The following REC8 variants were observed in gnomAD, a reference collection of about 807,000 sequenced individuals.
The protein encoded by REC8 is REC8 meiotic recombination protein.
In REC8, 42 loss-of-function variants were observed where a neutral mutation model predicts 78.3. The observed-to-expected ratio is 0.54, with a 90% CI of 0.42 to 0.69. The LOEUF is 0.69. REC8 is among the 30% of genes least tolerant of loss of function. REC8 has a pLI of 0.00. For missense variants in REC8, 581 were observed against 715.8 expected, an observed-to-expected ratio of 0.81 and a Z score of 2.15; for synonymous variants, 268 against 274.1, an observed-to-expected ratio of 0.98 and a Z score of 0.22.
intron 6 of REC8, 115 bp downstream of exon 6, chr14:24,175,739 T>TC (rs58764361): frequency 1.2e-5 from 8 of 689,884 alleles, no homozygotes; most frequent in Admixed American, 8.3e-5. Context: ...TTTTTTTTTT[T>TC]CGAGGCAGAG....
intron 5 of REC8, among the ~76,000 whole-genome samples, chr14:24,174,745 C>T (rs1405276925): frequency 6.6e-6 from 1 of 152,140 alleles, no homozygotes; most frequent in African/African-American, 2.4e-5. Context: ...CTCTACAAGT[C>T]GGGTTCTACA....
Position 24,179,752 on chromosome 14 carries a change from G to T in REC8, c.1451+26G>T, listed in dbSNP as rs201038240. ...GTACCAGGGAGGTGGCACCTTGATG[G>T]GGTGGACCCGGGCTGAAGCCTCTGC... is the stretch of plus-strand genomic sequence containing the variant. On this transcript the variant is annotated intron_variant, in intron 17 of 18. Coordinates refer to ENST00000611366, the MANE Select transcript of REC8 (RefSeq NM_001048205.2). The T allele has an allele frequency of 1.7e-5, 28 of 1,614,180 alleles. No homozygotes were observed. The East Asian group carries it at 6.0e-4, about 35-fold the overall frequency.
At position 24,179,136 on chromosome 14, in the gene REC8, A is replaced by G. The variant is rs985340220; in HGVS notation, c.1252+3A>G. On this transcript the variant is annotated splice_donor_region_variant and intron_variant, in intron 15 of 18. Transcript: ENST00000611366. ...TGTTCCCCTTATGGTGTCTTTAGGT[A>G]AGCACCTAGAGAAGAGGCGCAGTGG... The G allele has an allele frequency of 2.1e-5, 33 of 1,569,124 alleles. No individual in the cohort carries two copies. The highest frequency in any genetic ancestry group is 2.0e-4 in the African/African-American group (15 of 73,568).
chr14:24,176,842 C>T lies in REC8; in HGVS notation c.565C>T (p.Leu189=). 6.2e-7 allele frequency: 1 copy of T among 1,613,534 alleles called. No homozygotes were observed. Among genetic ancestry groups the T allele is most frequent in the Non-Finnish European group, 8.5e-7 (1 of 1,179,746 alleles). ...REPERIPVTV[L]PPEAITILEA... Reference sequence around the variant, plus strand: ...TCCAGAGAGGATTCCGGTCACTGTGCTGCCACCTGAGGCCATCACGATCCT... The same window carrying T: ...TCCAGAGAGGATTCCGGTCACTGTGTTGCCACCTGAGGCCATCACGATCCT... Residue 189 remains leucine, a synonymous_variant, in exon 7 of 19, where the codon CTG becomes TTG. Coordinates refer to ENST00000611366, the MANE Select transcript of REC8 (RefSeq NM_001048205.2).
At position 24,179,895 on chromosome 14, in the gene REC8, A is replaced by T. The variant is rs148643420; in HGVS notation, c.1547A>T (p.Tyr516Phe). The T allele has an allele frequency of 5.6e-6, 9 of 1,613,852 alleles. No homozygotes were observed. The change falls in exon 18 of 19, where the codon TAC becomes TTC. Residue 516 changes from tyrosine (Y) to phenylalanine (F), a missense_variant. Transcript: ENST00000611366. Reference sequence around the variant, plus strand: ...CGCAGGATGGCTGCCCGGGTCTTCTACCTGCTCCTGGGTGAGTGTATGCAT... The same window carrying T: ...CGCAGGATGGCTGCCCGGGTCTTCTTCCTGCTCCTGGGTGAGTGTATGCAT... ...SPRRMAARVF[Y>F]LLLVLSAQQI...
At position 24,172,101 on chromosome 14, in the gene REC8, C is replaced by T. The variant is rs1004454918; in HGVS notation, c.-452C>T. ...CGATCTAGTCCTGCAGTAGGCGGCCCGGGGCCACACCGCGGCCGCCCAAGC... is the reference window on the plus strand; with the variant it reads ...CGATCTAGTCCTGCAGTAGGCGGCCTGGGGCCACACCGCGGCCGCCCAAGC... On this transcript the variant is annotated 5_prime_UTR_variant, in exon 1 of 19. Transcript: ENST00000611366. 2.4e-5 allele frequency: 4 copies of T among 164,654 alleles called. No homozygotes were observed. The highest frequency in any genetic ancestry group is 5.2e-5 in the Non-Finnish European group (4 of 76,438). 10.2% of individuals were successfully genotyped at this position (164,654 alleles called of 1,614,324 possible).
rs914077012 is a variant in REC8, at chr14:24,178,098, C to T, written c.872C>T (p.Pro291Leu). ...LPAPPSPERR[P>L]PVPPPPRRRR... ...GCCCTCCCCACTCAACAGAGGAGGC[C>T]CCCAGTCCCCCCACCTCCTCGCCGC... Residue 291 changes from proline to leucine, a missense_variant, in exon 12 of 19, where the codon CCC (proline) becomes CTC (leucine). Physicochemically the swap from Pro to Leu is moderately conservative, Grantham distance 98. Transcript: ENST00000611366. 1.1e-5 allele frequency: 18 copies of T among 1,613,000 alleles called. No individual in the cohort carries two copies. The highest frequency in any genetic ancestry group is 8.0e-5 in the African/African-American group (6 of 74,860).
Position 24,178,146 on chromosome 14 carries a change from TC to T in REC8, c.921del (p.Trp308GlyfsTer110), listed in dbSNP as rs976662787. 6.2e-7 allele frequency: 1 copy of T among 1,613,832 alleles called. No homozygotes were observed. The highest frequency in any genetic ancestry group is 1.3e-5 in the African/African-American group (1 of 74,882). On this transcript the variant is annotated frameshift_variant, in exon 12 of 19. Transcript: ENST00000611366. LOFTEE classifies it high-confidence loss of function. ...PRRRRRRRLL[F>X]WDKETQISPE... Reference sequence around the variant, plus strand: ...CGCCGCCGTCGTCGCCGGTTACTGTTCTGGGACAAGGAGACTCAGATCTCCC... The same window carrying T: ...CGCCGCCGTCGTCGCCGGTTACTGTTTGGGACAAGGAGACTCAGATCTCCC...
Position 24,179,082 on chromosome 14 carries a change from C to T in REC8, c.1204-3C>T. 1 of 1,602,914 alleles carries T rather than the reference C, an allele frequency of 6.2e-7. No homozygotes were observed. Among genetic ancestry groups the T allele is most frequent in the Non-Finnish European group, 8.5e-7 (1 of 1,174,618 alleles). On this transcript the variant is annotated splice_polypyrimidine_tract_variant and splice_region_variant and intron_variant, in intron 14 of 18. Transcript: ENST00000611366. ...GTCTTAGTTCTACTTCTCCCATCCC[C>T]AGGTCCCGAGGGAGGCCCTGGAGCC...
Position 24,172,137 on chromosome 14 carries a change from C to T in REC8, c.-416C>T, listed in dbSNP as rs969627830. The T allele has an allele frequency of 8.5e-5, 17 of 199,410 alleles. No homozygotes were observed. The highest frequency in any genetic ancestry group is 3.5e-4 in the African/African-American group (15 of 42,894). 12.4% of individuals were successfully genotyped at this position (199,410 alleles called of 1,614,324 possible). On this transcript the variant is annotated 5_prime_UTR_variant, in exon 1 of 19. Coordinates refer to ENST00000611366, the MANE Select transcript of REC8 (RefSeq NM_001048205.2). ...CGCGGCCGCCCAAGCCAGTGCAAGG[C>T]CCAGGGGCCTGACATCGCTCCCAGC...
intron 15 of REC8, 32 bp from the exon 16 acceptor site, chr14:24,179,365 G>A: frequency 6.2e-7 from 1 of 1,612,446 alleles, no homozygotes; most frequent in South Asian, 1.1e-5. Context: ...CACCCAAGCA[G>A]ACACCCACTA....
chr14:24,179,473 C>T lies in REC8; in HGVS notation c.1319+10C>T. ...CACCAGAAGAACGGTGGTAAGCGGCCAGGCTCCGTGGGAGCCAGGGCCCAC... is the reference window on the plus strand; with the variant it reads ...CACCAGAAGAACGGTGGTAAGCGGCTAGGCTCCGTGGGAGCCAGGGCCCAC... On this transcript the variant is annotated intron_variant, in intron 16 of 18. Coordinates refer to ENST00000611366, the MANE Select transcript of REC8 (RefSeq NM_001048205.2). The T allele has an allele frequency of 6.2e-7, 1 of 1,614,112 alleles. No individual in the cohort carries two copies. The highest frequency in any genetic ancestry group is 1.7e-5 in the Admixed American group (1 of 60,018).
chr14:24,174,781 C>T (rs749121464), intron 5 of REC8, among the ~76,000 whole-genome samples: 2 of 152,152 alleles, frequency 1.3e-5, no homozygotes, highest in Non-Finnish European at 2.9e-5. Flanking sequence ...GGCTCAAATG[C>T]TGCCCTTCTC....
In REC8 at chr14:24,175,596, T is replaced by C. The variant is rs545776680; in HGVS notation, c.516T>C (p.Pro172=). 6.2e-7 allele frequency: 1 copy of C among 1,614,008 alleles called. No individual in the cohort carries two copies. The change falls in exon 6 of 19, where the codon CCT becomes CCC. Residue 172 remains proline (P), a synonymous_variant. Coordinates refer to ENST00000611366, the MANE Select transcript of REC8 (RefSeq NM_001048205.2). ...CAGAGAGAGTTGAAGAGATCCCTCC[T>C]GAAGTTCCTACAGAGCCCAGGGAGC... ...AIPERVEEIP[P]EVPTEPREPE... is the part of the protein sequence containing the mutation.
chr14:24,180,495 A>G (rs752261889), downstream of REC8: 3 of 1,613,902 alleles, frequency 1.9e-6, no homozygotes, highest in Non-Finnish European at 2.5e-6. Context: ...ACAGGCAGTG[A>G]GCCCAGAGCT....
intron 6 of REC8, 43 bp downstream of exon 6, chr14:24,175,667 G>T (rs771977041): frequency 6.7e-7 from 1 of 1,492,596 alleles, no homozygotes. Context: ...GCATAGGCAG[G>T]CCCAAGAGCT....
rs796731154 is a variant in REC8, at chr14:24,172,126, C to G, written c.-427C>G. The G allele has an allele frequency of 1.1e-5, 2 of 175,212 alleles. No individual in the cohort carries two copies. Among genetic ancestry groups the G allele is most frequent in the Middle Eastern group, 2.3e-3 (1 of 438 alleles). The allele number at this position is 175,212 out of a possible 1,614,324, so 10.9% of individuals were successfully genotyped here. A position where few individuals can be genotyped will look rare whatever the true frequency, so the allele number is the denominator to read the frequency against. ...CGGGGCCACACCGCGGCCGCCCAAG[C>G]CAGTGCAAGGCCCAGGGGCCTGACA... On this transcript the variant is annotated 5_prime_UTR_variant, in exon 1 of 19. Coordinates refer to ENST00000611366, the MANE Select transcript of REC8 (RefSeq NM_001048205.2).
chr14:24,176,755 C>G lies in REC8; in HGVS notation c.545-67C>G, dbSNP rs17101758. 1.3e-5 allele frequency: 16 copies of G among 1,275,160 alleles called. No homozygotes were observed. The South Asian group carries it at 2.0e-4, about 16-fold the overall frequency. 79.0% of individuals were successfully genotyped at this position (1,275,160 alleles called of 1,614,324 possible). On this transcript the variant is annotated intron_variant, in intron 6 of 18. Coordinates refer to ENST00000611366, the MANE Select transcript of REC8 (RefSeq NM_001048205.2). ...CCTTGACTTCAGAGTCCATGCTTTT[C>G]CTTAACTGCATGGCTGTGGGAATTT...
In REC8 at chr14:24,177,765, A is replaced by G; in HGVS notation, c.864+7A>G. 1 of 1,599,856 alleles carries G rather than the reference A, an allele frequency of 6.3e-7. No homozygotes were observed. The highest frequency in any genetic ancestry group is 8.5e-7 in the Non-Finnish European group (1 of 1,173,488). On this transcript the variant is annotated splice_region_variant and intron_variant, in intron 11 of 18. Transcript: ENST00000611366. ...AGCCCCACCCAGCCCAGAGGTGAGT[A>G]GCCTCCCTTCTAATCCTCCTCCTCC... is the stretch of plus-strand genomic sequence containing the variant.
Sources: gnomAD v4.1 joint callset for allele counts (sites outside exome capture counted in the v4.1 genomes callset) on GRCh38, gnomAD v4.1.1 for gene constraint, MANE v1.5 for transcripts, NCBI Gene and HGNC (gene_info 2026-07-23, HGNC 2026-07-21) for gene names.